Variants in WDFY4 observed in about 807,000 individuals in gnomAD.
The protein encoded by WDFY4 is WDFY family member 4, also known as WD repeat- and FYVE domain-containing protein 4.
Under a neutral mutation model 351.9 loss-of-function variants are expected in WDFY4, and 169 were observed. The observed-to-expected ratio is 0.48, with a 90% CI of 0.42 to 0.55. The LOEUF is 0.55. Among genes scored for constraint, WDFY4 ranks in the 20% least tolerant of loss-of-function variants. The pLI, the probability that WDFY4 is intolerant of heterozygous loss-of-function variation, is 0.00. For synonymous variants in WDFY4, 1,622 were observed against 1,574.6 expected, an observed-to-expected ratio of 1.03 and a Z score of -0.71; for missense variants, 3,803 against 3,935.6, an observed-to-expected ratio of 0.97 and a Z score of 0.90.
chr10:48,977,352 C>A (rs760039202), intron 59 of WDFY4, among the ~76,000 whole-genome samples: 63 of 152,076 alleles, frequency 4.1e-4, no homozygotes, highest in Non-Finnish European at 8.2e-4. Context: ...TATCTACCCA[C>A]CTACCCATTT....
At chr10:48,884,572 G>A (rs147380357) in intron 43 of WDFY4, among the ~76,000 whole-genome samples, 1 of 151,586 alleles carries the variant, frequency 6.6e-6, no homozygotes, top group East Asian at 1.9e-4. Flanking sequence ...ATGCACACCT[G>A]ATGCGTGTAC....
intron 24 of WDFY4, among the ~76,000 whole-genome samples, chr10:48,800,670 G>GTTTCTTTCTTTCTTTCTTTCTTTCTTTC (rs59039598): frequency 1.7e-5 from 2 of 115,264 alleles, no homozygotes; most frequent in African/African-American, 3.5e-5. Context: ...TTAGGTTTTG[G>GTTTCTTTCTTTCTTTCTTTCTTTCTTTC]TTTCTTTCTT....
At chr10:48,833,241 G>C (rs1049349989) in intron 39 of WDFY4, among the ~76,000 whole-genome samples, 4 of 151,824 alleles carry the variant, frequency 2.6e-5, no homozygotes, top group African/African-American at 7.3e-5. Context: ...GGTGGGTGGG[G>C]GGACAGGTTA....
chr10:48,763,280 T>C (rs2065568519), intron 13 of WDFY4, among the ~76,000 whole-genome samples: 1 of 152,258 alleles, frequency 6.6e-6, no homozygotes, highest in South Asian at 2.1e-4. Context: ...ATTGTGGTGA[T>C]GGTGAGGGGA....
intron 47 of WDFY4, among the ~76,000 whole-genome samples, chr10:48,923,433 G>A (rs1839273567): frequency 6.8e-6 from 1 of 147,464 alleles, no homozygotes; most frequent in African/African-American, 2.5e-5. Context: ...GCCAGATTTA[G>A]CAAATAAAAT....
At chr10:48,896,465 C>T (rs990362048) in intron 44 of WDFY4, among the ~76,000 whole-genome samples, 3 of 152,146 alleles carry the variant, frequency 2.0e-5, no homozygotes, top group African/African-American at 7.2e-5. Context: ...TCCTGAAGAG[C>T]TCCCTGGTTT....
intron 1 of WDFY4, among the ~76,000 whole-genome samples, chr10:48,696,147 C>A (rs560250061): frequency 6.6e-6 from 1 of 152,228 alleles, no homozygotes; most frequent in African/African-American, 2.4e-5. Flanking sequence ...CCCTGCCATT[C>A]TCTGCCAGCA....
chr10:48,932,080 A>G (rs1484712691), intron 47 of WDFY4, among the ~76,000 whole-genome samples: 3 of 152,244 alleles, frequency 2.0e-5, no homozygotes, highest in Non-Finnish European at 4.4e-5. Context: ...GTCTCATAAC[A>G]CGCCTGAGCC....
intron 12 of WDFY4, among the ~76,000 whole-genome samples, chr10:48,755,987 T>G (rs1009471917): frequency 6.6e-6 from 1 of 152,108 alleles, no homozygotes; most frequent in African/African-American, 2.4e-5. Flanking sequence ...TAATTCTGAC[T>G]TTGTAAAATG....
intron 23 of WDFY4, among the ~76,000 whole-genome samples, chr10:48,795,357 AACTG>A (rs965916981): frequency 3.0e-4 from 46 of 151,496 alleles, no homozygotes; most frequent in East Asian, 1.6e-3. Flanking sequence ...GGATTGCCAG[AACTG>A]ACTGAGTGTC....
chr10:48,813,867 A>C, intron 30 of WDFY4, 90 bp from the exon 31 acceptor site: 1 of 1,362,294 alleles, frequency 7.3e-7, no homozygotes. Flanking sequence ...TCCCACTGGG[A>C]ACCCCTGGAA....
chr10:48,835,063 T>C (rs2068336759), intron 39 of WDFY4, among the ~76,000 whole-genome samples: 1 of 152,230 alleles, frequency 6.6e-6, no homozygotes, highest in Non-Finnish European at 1.5e-5. Context: ...TGAGGTCTTA[T>C]TCACTTGTTC....
chr10:48,811,478 C>A, intron 29 of WDFY4, 61 bp from the exon 30 acceptor site: 1 of 1,481,766 alleles, frequency 6.7e-7, no homozygotes. Flanking sequence ...TGTGTCCAGG[C>A]CCCACCTTGA....
intron 39 of WDFY4, among the ~76,000 whole-genome samples, chr10:48,848,795 G>A (rs1250769614): frequency 6.6e-6 from 1 of 152,220 alleles, no homozygotes; most frequent in Non-Finnish European, 1.5e-5. Context: ...GAGGCGAGCT[G>A]GGAAAGAGAA....
Position 48,775,785 on chromosome 10 carries a change from A to G in WDFY4, c.2842A>G (p.Arg948Gly), listed in dbSNP as rs1003710281. Residue 948 changes from arginine (R) to glycine (G), a missense_variant, in exon 15 of 62, where the codon AGA becomes GGA. Physicochemically the swap from Arg to Gly is moderately radical, Grantham distance 125 (BLOSUM62 -2). Transcript: ENST00000325239. ...AATCCTTGATTCATCTCACACACAC[A>G]GAGGCAACCCTGGGTGCTCAGGTGA... ...TKILDSSHTH[R>G]GNPGCSGSQT... The G allele has an allele frequency of 2.6e-6, 4 of 1,551,618 alleles. No homozygotes were observed. In the African/African-American group the frequency reaches 5.5e-5, roughly 21 times the overall value.
At position 48,709,926 on chromosome 10, in the gene WDFY4, G is replaced by A. The variant is rs749750781; in HGVS notation, c.194G>A (p.Arg65His). Residue 65 changes from arginine (R) to histidine (H), a missense_variant, in exon 2 of 62, where the codon CGT (arginine) becomes CAT (histidine). By Grantham distance (29) the Arg-to-His change is conservative. This residue lies in a region of WDFY4 where 488 missense variants were observed against 456.8 expected (regional missense o/e 1.07). Coordinates refer to ENST00000325239, the MANE Select transcript of WDFY4 (RefSeq NM_001394531.1). Reference sequence around the variant, plus strand: ...TTGACTCACAAGAGCCCCATTGAGCGTCAGAAGAGCCTGTTGAGTCTTCTC... The same window carrying A: ...TTGACTCACAAGAGCCCCATTGAGCATCAGAAGAGCCTGTTGAGTCTTCTC... ...QQLTHKSPIE[R>H]QKSLLSLLPL... 3.9e-5 allele frequency: 61 copies of A among 1,552,190 alleles called. 2 individuals carry two copies. The Middle Eastern group carries it at 2.5e-3, about 64-fold the overall frequency.
intron 47 of WDFY4, among the ~76,000 whole-genome samples, chr10:48,933,680 A>T (rs1840173206): frequency 6.6e-6 from 1 of 152,146 alleles, no homozygotes; most frequent in Non-Finnish European, 1.5e-5. Context: ...ATATGATACT[A>T]GTAGGGAGCT....
At chr10:48,913,931 G>A (rs577229191) in intron 47 of WDFY4, 4 of 1,614,164 alleles carry the variant, frequency 2.5e-6, no homozygotes, top group East Asian at 4.5e-5. Flanking sequence ...CCAGCCACCG[G>A]AGGTTCTGGA....
At chr10:48,961,795 A>C (rs1223879867) in intron 53 of WDFY4, among the ~76,000 whole-genome samples, 2 of 152,236 alleles carry the variant, frequency 1.3e-5, no homozygotes, top group East Asian at 3.8e-4. Flanking sequence ...GAGTACAGCT[A>C]GATCTCATGC....
Sources: allele counts gnomAD v4.1 joint callset (sites outside exome capture counted in the v4.1 genomes callset), GRCh38; gene constraint gnomAD v4.1.1; regional missense constraint gnomAD v4.1.1; transcripts MANE v1.5; gene names NCBI Gene and HGNC (gene_info 2026-07-23, HGNC 2026-07-21).